Variants in PLEC observed in about 807,000 individuals in gnomAD.
PLEC encodes the protein plectin.
PLEC carries 216 observed loss-of-function variants against 392.8 expected under a neutral mutation model. The ratio of observed to expected loss-of-function variants is 0.55; its 90% CI spans 0.49 to 0.62. PLEC has a LOEUF of 0.62. Among genes scored for constraint, PLEC ranks in the 20% least tolerant of loss-of-function variants. The pLI, the probability that PLEC is intolerant of heterozygous loss-of-function variation, is 0.00. For missense variants in PLEC, 6,863 were observed against 6,563.4 expected, an observed-to-expected ratio of 1.05 and a Z score of -1.58; for synonymous variants, 3,621 against 2,980.6, an observed-to-expected ratio of 1.21 and a Z score of -7.00.
chr8:143,935,095 G>A lies in PLEC; in HGVS notation c.741C>T (p.Asp247=), dbSNP rs781847274. 1.3e-5 allele frequency: 21 copies of A among 1,612,982 alleles called. No individual in the cohort carries two copies. Among genetic ancestry groups the A allele is most frequent in the South Asian group, 4.4e-5 (4 of 91,090 alleles). The change falls in exon 8 of 32, where the codon GAC becomes GAT. Residue 247 remains aspartate (D), a synonymous_variant. Coordinates refer to ENST00000345136, the MANE Select transcript of PLEC (RefSeq NM_201384.3). ...DPEDVDVPQP[D]EKSIITYVSS... The stretch of plus-strand genomic sequence containing the variant: ...AGACGTAGGTGATGATGGACTTCTC[G>A]TCGGGCTGAGGGACATCCACGTCTG...
In PLEC at chr8:143,922,662, C is replaced by T. The variant is rs193257576; in HGVS notation, c.7267G>A (p.Ala2423Thr). The T allele has an allele frequency of 5.0e-3, 8,035 of 1,613,304 alleles. 26 individuals carry two copies. The highest frequency in any genetic ancestry group is 6.3e-3 in the Non-Finnish European group (7,460 of 1,179,914). ...IGEKLHRTEL[A>T]TQEKVTLVQT... The stretch of plus-strand genomic sequence containing the variant: ...ACCAGGGTCACCTTCTCCTGGGTGG[C>T]GAGCTCCGTGCGGTGCAGCTTCTCA... The change falls in exon 31 of 32, where the codon GCC becomes ACC. Residue 2423 changes from alanine (A) to threonine (T), a missense_variant. Ala to Thr is a moderately conservative substitution (Grantham distance 58). Coordinates refer to ENST00000345136, the MANE Select transcript of PLEC (RefSeq NM_201384.3).
rs1554681827 is a variant in PLEC, at chr8:143,920,448, T to G, written c.9373A>C (p.Ile3125Leu). 1 of 1,600,550 alleles carries G rather than the reference T, an allele frequency of 6.2e-7. No homozygotes were observed. Among genetic ancestry groups the G allele is most frequent in the Non-Finnish European group, 8.5e-7 (1 of 1,174,812 alleles). Reference sequence around the variant, plus strand: ...AGGCGCAGGCCCTGCTCCCGGGGAATGAGGCCCTTCTTCAGGGCCTGGAAC... The same window carrying G: ...AGGCGCAGGCCCTGCTCCCGGGGAAGGAGGCCCTTCTTCAGGGCCTGGAAC... ...SLFQALKKGLIPREQGLRLLD... is the reference protein window; with the variant it reads ...SLFQALKKGLLPREQGLRLLD... The change falls in exon 32 of 32, where the codon ATT (isoleucine) becomes CTT (leucine). Residue 3125 changes from isoleucine to leucine, a missense_variant. By Grantham distance (5) the Ile-to-Leu change is conservative. Transcript: ENST00000345136.
At position 143,931,413 on chromosome 8, in the gene PLEC, C is replaced by G. The variant is rs1243210664; in HGVS notation, c.2304+121G>C. ...CCCGCTTCGGCTGACCTCTACACCT[C>G]CCATGGTGCCTCCCAACTCCTGCTG... is the stretch of plus-strand genomic sequence containing the variant. On this transcript the variant is annotated intron_variant, in intron 19 of 31. Transcript: ENST00000345136. The G allele has an allele frequency of 2.2e-5, 21 of 941,890 alleles. 1 individual carries two copies. Among genetic ancestry groups the G allele is most frequent in the Non-Finnish European group, 3.0e-5 (18 of 608,134 alleles). The allele number at this position is 941,890 out of a possible 1,614,324, so 58.3% of individuals were successfully genotyped here.
chr8:143,949,208 G>A (rs1554733957), intron 1 of PLEC, among the ~76,000 whole-genome samples: 1 of 152,196 alleles, frequency 6.6e-6, no homozygotes, highest in African/African-American at 2.4e-5. Context: ...CCACACCCTG[G>A]CAAATCCTGC....
chr8:143,956,616 GCACACAGCTGTTCAGAGAAGGAA>G (rs1832609754), upstream of PLEC, among the ~76,000 whole-genome samples: 1 of 152,070 alleles, frequency 6.6e-6, no homozygotes, highest in Non-Finnish European at 1.5e-5. Context: ...GAAGGTGAGG[GCACACAGCTGTTCAGAGAAGGAA>G]CACACAGCTT....
rs371776565 is a variant in PLEC at position 143,926,800 on chromosome 8, C to T, written c.4028G>A (p.Arg1343His). The T allele has an allele frequency of 6.4e-5, 104 of 1,613,436 alleles. No individual in the cohort carries two copies. Among genetic ancestry groups the T allele is most frequent in the South Asian group, 5.9e-4 (54 of 91,086 alleles). The change falls in exon 30 of 32, where the codon CGC (arginine) becomes CAC (histidine). Residue 1343 changes from arginine (R) to histidine (H), a missense_variant. By Grantham distance (29) the Arg-to-His change is conservative. Transcript: ENST00000345136. Reference protein sequence around the residue: ...YIKFISETLRRMEEEERLAEQ... With the variant: ...YIKFISETLRHMEEEERLAEQ... The stretch of plus-strand genomic sequence containing the variant: ...GGGCTGTACCTCCTCCTCCTCCATG[C>T]GCCGCAGAGTCTCGCTGATGAACTT...
intron 1 of PLEC, among the ~76,000 whole-genome samples, chr8:143,959,819 AC>A (rs1182378850): frequency 6.6e-6 from 1 of 151,778 alleles, no homozygotes; most frequent in Non-Finnish European, 1.5e-5. Context: ...ACACAGTGAA[AC>A]CCCATCTCTA....
Position 143,932,168 on chromosome 8 carries a change from G to GCCGGTC in PLEC, c.2038_2043dup (p.Asp680_Arg681dup). On this transcript the variant is annotated inframe_insertion, in exon 17 of 32. Transcript: ENST00000345136. Reference sequence around the variant, plus strand: ...CGGGCCGGGTGGTCCTCCCGCAGCAGCCGGTCCCCAGCATTTTGGAGCTCC... The same window carrying GCCGGTC: ...CGGGCCGGGTGGTCCTCCCGCAGCAGCCGGTCCCGGTCCCCAGCATTTTGGAGCTCC... The GCCGGTC allele has an allele frequency of 6.2e-7, 1 of 1,612,090 alleles. No homozygotes were observed. Among genetic ancestry groups the GCCGGTC allele is most frequent in the Non-Finnish European group, 8.5e-7 (1 of 1,179,856 alleles).
upstream of PLEC, chr8:143,975,263 G>A (rs377391128): frequency 1.2e-6 from 2 of 1,608,966 alleles, no homozygotes; most frequent in Non-Finnish European, 1.7e-6. This position sits in a 1 kb window ranked among gnomAD's most constrained non-coding sequence, Gnocchi z 9.9. Context: ...GCTCCGCTGC[G>A]TTTTCCCAAG....
chr8:143,953,448 C>CCCGCCGCCG (rs1174485406), upstream of PLEC, among the ~76,000 whole-genome samples: 63 of 151,078 alleles, frequency 4.2e-4, no homozygotes, highest in African/African-American at 1.2e-3. Context: ...CTGTCCCCGC[C>CCCGCCGCCG]CCGCCGCCGC....
Position 143,930,507 on chromosome 8 carries a change from C to T in PLEC, c.2334G>A (p.Lys778=), listed in dbSNP as rs781921503. Reference sequence around the variant, plus strand: ...GCTTGGCCAGGCCTGAGAGGTGGCCCTTGTACTCGTTCAGCTGTTCCTTCT... The same window carrying T: ...GCTTGGCCAGGCCTGAGAGGTGGCCTTTGTACTCGTTCAGCTGTTCCTTCT... ...QDEKEQLNEY[K]GHLSGLAKRA... Residue 778 remains lysine, a synonymous_variant, in exon 20 of 32, where the codon AAG becomes AAA. Coordinates refer to ENST00000345136, the MANE Select transcript of PLEC (RefSeq NM_201384.3). The T allele has an allele frequency of 1.9e-6, 3 of 1,596,844 alleles. No homozygotes were observed. Among genetic ancestry groups the T allele is most frequent in the Non-Finnish European group, 2.6e-6 (3 of 1,172,116 alleles).
upstream of PLEC, among the ~76,000 whole-genome samples, chr8:143,954,134 T>C (rs1240416620): frequency 1.3e-5 from 2 of 151,482 alleles, no homozygotes; most frequent in African/African-American, 4.9e-5. This position sits in a 1 kb window ranked among gnomAD's most constrained non-coding sequence, Gnocchi z 4.6. Flanking sequence ...GAGCCATGCT[T>C]AGAACAGCCT....
At position 143,921,906 on chromosome 8, in the gene PLEC, C is replaced by T. The variant is rs782614096; in HGVS notation, c.7915G>A (p.Glu2639Lys). The T allele has an allele frequency of 6.9e-6, 11 of 1,599,998 alleles. No homozygotes were observed. In the African/African-American group the frequency reaches 1.2e-4, roughly 17 times the overall value. ...TCGAAGCTGTGCTCCGGCTCTGCCTCTGCCGCGGGGCCATCAAGTGCATCC... is the reference window on the plus strand; with the variant it reads ...TCGAAGCTGTGCTCCGGCTCTGCCTTTGCCGCGGGGCCATCAAGTGCATCC... ...GRDALDGPAA[E>K]AEPEHSFDGL... The change falls in exon 32 of 32, where the codon GAG (glutamate) becomes AAG (lysine). Residue 2639 changes from glutamate to lysine, a missense_variant. Physicochemically the swap from Glu to Lys is moderately conservative, Grantham distance 56. Transcript: ENST00000345136.
rs782429593 is a variant in PLEC, at chr8:143,926,888, G to A, written c.3946-6C>T. The A allele has an allele frequency of 4.3e-6, 7 of 1,612,032 alleles. No individual in the cohort carries two copies. Among genetic ancestry groups the A allele is most frequent in the South Asian group, 1.1e-5 (1 of 91,058 alleles). ...TGCGTACGCAGGTCCACGTACTGTG[G>A]AGTAGAGCCAGGGTTAGCCCTGCGA... On this transcript the variant is annotated splice_region_variant and splice_polypyrimidine_tract_variant and intron_variant, in intron 29 of 31. Transcript: ENST00000345136.
chr8:143,925,960 G>A lies in PLEC; in HGVS notation c.4045-76C>T, dbSNP rs1298595418. The A allele has an allele frequency of 7.0e-6, 10 of 1,436,152 alleles. No homozygotes were observed. In the African/African-American group the frequency reaches 1.3e-4, roughly 18 times the overall value. 89.0% of individuals were successfully genotyped at this position (1,436,152 alleles called of 1,614,324 possible). A position where few individuals can be genotyped will look rare whatever the true frequency, so the allele number is the denominator to read the frequency against. ...GCAGGCGCTGACGGGGCACGCACCGGCACAGTTCACTCAGACAGCGCGGAG... is the reference window on the plus strand; with the variant it reads ...GCAGGCGCTGACGGGGCACGCACCGACACAGTTCACTCAGACAGCGCGGAG... On this transcript the variant is annotated intron_variant, in intron 30 of 31. Coordinates refer to ENST00000345136, the MANE Select transcript of PLEC (RefSeq NM_201384.3).
At position 143,925,325 on chromosome 8, in the gene PLEC, A is replaced by G. The variant is rs1824654893; in HGVS notation, c.4604T>C (p.Leu1535Pro). The change falls in exon 31 of 32, where the codon CTG becomes CCG. Residue 1535 changes from leucine to proline, a missense_variant. Transcript: ENST00000345136. Reference sequence around the variant, plus strand: ...CAGCCGCAGCTCCTCCAGGGCCTGCAGGGCCCGCTGCTTCTCGCGCGCCGC... The same window carrying G: ...CAGCCGCAGCTCCTCCAGGGCCTGCGGGGCCCGCTGCTTCTCGCGCGCCGC... The part of the protein sequence containing the change: ...AEAAREKQRA[L>P]QALEELRLQA... 19 of 1,561,612 alleles carry G rather than the reference A, an allele frequency of 1.2e-5. No individual in the cohort carries two copies. The highest frequency in any genetic ancestry group is 1.6e-5 in the Non-Finnish European group (19 of 1,161,990).
At chr8:143,931,086 G>A (rs1827105079) in intron 19 of PLEC, among the ~76,000 whole-genome samples, 1 of 152,304 alleles carries the variant, frequency 6.6e-6, no homozygotes, top group African/African-American at 2.4e-5. Flanking sequence ...CCAAACAGCT[G>A]GTGCCCCTTC....
upstream of PLEC, chr8:143,950,930 G>A (rs953208726): frequency 1.5e-5 from 14 of 931,676 alleles, no homozygotes; most frequent in Non-Finnish European, 2.0e-5. Context: ...CGGCACTGCC[G>A]GCTGCCCGCC....
chr8:143,932,279 G>A, intron 16 of PLEC, 45 bp from the exon 17 acceptor site: 1 of 1,607,394 alleles, frequency 6.2e-7, no homozygotes, highest in South Asian at 1.1e-5. Context: ...GCCACACCCG[G>A]CTCTGCCACG....
Sources: allele counts gnomAD v4.1 joint callset (sites outside exome capture counted in the v4.1 genomes callset), GRCh38; gene constraint gnomAD v4.1.1; non-coding constraint Gnocchi (gnomAD v3.1); transcripts MANE v1.5; gene names NCBI Gene and HGNC (gene_info 2026-07-23, HGNC 2026-07-21).